The following LIPK variants were observed in gnomAD, a reference collection of about 807,000 sequenced individuals.
LIPK encodes lipase member K.
In LIPK, 32 loss-of-function variants were observed where a neutral mutation model predicts 48.6. That is an observed-to-expected ratio of 0.66 (90% CI 0.50 to 0.88). The LOEUF (loss-of-function observed/expected upper bound fraction) is 0.88, where lower values mean the gene tolerates loss of function less well. Among genes scored for constraint, LIPK ranks in the 40% least tolerant of loss-of-function variants. LIPK has a pLI of 0.00. For synonymous variants in LIPK, 164 were observed against 157.4 expected, an observed-to-expected ratio of 1.04 and a Z score of -0.32; for missense variants, 507 against 478.5, an observed-to-expected ratio of 1.06 and a Z score of -0.56.
chr10:88,712,782 G>A (rs1266119875), intron 1 of LIPK, among the ~76,000 whole-genome samples: 1 of 152,158 alleles, frequency 6.6e-6, no homozygotes, highest in Non-Finnish European at 1.5e-5. Flanking sequence ...ATGCTAGTGT[G>A]ATTCTTACTG....
chr10:88,717,498 GT>G (rs1311875855), intron 1 of LIPK, among the ~76,000 whole-genome samples: 2 of 152,064 alleles, frequency 1.3e-5, no homozygotes, highest in African/African-American at 4.8e-5. Flanking sequence ...AGGTCCACGT[GT>G]TTTCCCAGAT....
At chr10:88,716,152 G>C (rs1325102967) in intron 1 of LIPK, among the ~76,000 whole-genome samples, 1 of 152,024 alleles carries the variant, frequency 6.6e-6, no homozygotes, top group Non-Finnish European at 1.5e-5. Context: ...CAGGAGACCA[G>C]TATAATGATA....
chr10:88,730,772 T>C (rs575786078), intron 3 of LIPK, among the ~76,000 whole-genome samples: 20 of 152,348 alleles, frequency 1.3e-4, no homozygotes, highest in African/African-American at 4.8e-4. Flanking sequence ...CAATACATTG[T>C]ATATAATCCC....
At chr10:88,736,128 G>T (rs957163479) in intron 6 of LIPK, among the ~76,000 whole-genome samples, 1 of 151,922 alleles carries the variant, frequency 6.6e-6, no homozygotes, top group East Asian at 1.9e-4. Flanking sequence ...GGAAGAGAGG[G>T]ATGGAGCCAG....
At chr10:88,715,630 C>A (rs1301185993) in intron 1 of LIPK, among the ~76,000 whole-genome samples, 2 of 151,936 alleles carry the variant, frequency 1.3e-5, no homozygotes, top group Admixed American at 1.3e-4. Flanking sequence ...TCTGTATTAG[C>A]ATTTAATGTA....
intron 6 of LIPK, among the ~76,000 whole-genome samples, chr10:88,733,236 C>G (rs1468591905): frequency 1.3e-5 from 2 of 152,204 alleles, no homozygotes; most frequent in Admixed American, 6.5e-5. Context: ...AGGCAAAACT[C>G]TAGGCCTCCT....
At chr10:88,709,959 T>G (rs1841998193) in intron 1 of LIPK, among the ~76,000 whole-genome samples, 1 of 152,248 alleles carries the variant, frequency 6.6e-6, no homozygotes, top group East Asian at 1.9e-4. Context: ...CTTTTAAAAC[T>G]AGGTATGTGC....
At chr10:88,723,109 T>C (rs977945485) in intron 1 of LIPK, among the ~76,000 whole-genome samples, 6 of 152,100 alleles carry the variant, frequency 3.9e-5, no homozygotes, top group African/African-American at 1.4e-4. Flanking sequence ...GGTCTCGTAC[T>C]CCTGGACTGA....
chr10:88,708,893 T>A (rs759306664), intron 1 of LIPK, among the ~76,000 whole-genome samples: 7 of 152,152 alleles, frequency 4.6e-5, no homozygotes, highest in Non-Finnish European at 8.8e-5. Context: ...TCCATATACA[T>A]TAAAACTTAA....
At chr10:88,739,878 T>C in intron 7 of LIPK, 118 bp from the exon 8 acceptor site, 3 of 575,094 alleles carry the variant, frequency 5.2e-6, no homozygotes, top group African/African-American at 1.9e-5. Flanking sequence ...AAAATAAAAA[T>C]AAAAAAAAGA....
At chr10:88,751,652 T>C (rs1842865003) in intron 9 of LIPK, among the ~76,000 whole-genome samples, 1 of 152,122 alleles carries the variant, frequency 6.6e-6, no homozygotes, top group South Asian at 2.1e-4. Flanking sequence ...CTGCTATAGT[T>C]AGATGTACGT....
intron 6 of LIPK, among the ~76,000 whole-genome samples, chr10:88,736,688 T>C (rs1590152474): frequency 6.6e-6 from 1 of 152,158 alleles, no homozygotes; most frequent in Non-Finnish European, 1.5e-5. Context: ...CATAAAATAA[T>C]CAACAATTAA....
At chr10:88,710,810 T>C (rs1368794164) in intron 1 of LIPK, among the ~76,000 whole-genome samples, 1 of 152,218 alleles carries the variant, frequency 6.6e-6, no homozygotes, top group Non-Finnish European at 1.5e-5. Flanking sequence ...ATATTTTCTT[T>C]TATTTTAAGC....
At position 88,726,872 on chromosome 10, in the gene LIPK, T is replaced by G; in HGVS notation, c.183T>G (p.Ile61Met). Residue 61 changes from isoleucine (I) to methionine (M), a missense_variant, in exon 3 of 10, where the codon ATT (isoleucine) becomes ATG (methionine). Physicochemically the swap from Ile to Met is conservative, Grantham distance 10. Coordinates refer to ENST00000404190, the MANE Select transcript of LIPK (RefSeq NM_001080518.2). ...VTTKDGYILG[I>M]YRIPHGRGCP... Reference sequence around the variant, plus strand: ...CAAAAGATGGTTATATCCTTGGAATTTATAGGATTCCACATGGAAGAGGAT... The same window carrying G: ...CAAAAGATGGTTATATCCTTGGAATGTATAGGATTCCACATGGAAGAGGAT... 2 of 1,605,296 alleles carry G rather than the reference T, an allele frequency of 1.2e-6. No homozygotes were observed. The highest frequency in any genetic ancestry group is 1.7e-6 in the Non-Finnish European group (2 of 1,173,492).
intron 2 of LIPK, among the ~76,000 whole-genome samples, chr10:88,725,993 C>T (rs1157663872): frequency 1.3e-5 from 2 of 152,172 alleles, no homozygotes; most frequent in African/African-American, 2.4e-5. Flanking sequence ...CCCTGGCTTC[C>T]TCCCTGTGAA....
intron 3 of LIPK, among the ~76,000 whole-genome samples, chr10:88,727,194 C>A (rs1842361208): frequency 6.6e-6 from 1 of 152,210 alleles, no homozygotes; most frequent in Non-Finnish European, 1.5e-5. Context: ...ATACCTCTGT[C>A]CCGTTTTGAA....
At chr10:88,750,911 A>AAAAC (rs577858751) in intron 9 of LIPK, among the ~76,000 whole-genome samples, 47 of 152,154 alleles carry the variant, frequency 3.1e-4, no homozygotes, top group Non-Finnish European at 1.6e-4. Flanking sequence ...ACAAAAACAA[A>AAAAC]AAACAAACAA....
chr10:88,722,650 T>TA (rs1355967155), intron 1 of LIPK, among the ~76,000 whole-genome samples: 1 of 152,132 alleles, frequency 6.6e-6, no homozygotes, highest in Admixed American at 6.5e-5. Flanking sequence ...AAACACTAAT[T>TA]AGACACACAG....
At chr10:88,717,229 T>C (rs1842136432) in intron 1 of LIPK, among the ~76,000 whole-genome samples, 1 of 152,190 alleles carries the variant, frequency 6.6e-6, no homozygotes, top group African/African-American at 2.4e-5. Context: ...TTGGAATGTC[T>C]CTCTGCTCCC....
Sources: gnomAD v4.1 joint callset for allele counts (sites outside exome capture counted in the v4.1 genomes callset) on GRCh38, gnomAD v4.1.1 for gene constraint, MANE v1.5 for transcripts, NCBI Gene and HGNC (gene_info 2026-07-23, HGNC 2026-07-21) for gene names.